Variants in TRPC3 observed in about 807,000 individuals in gnomAD.
The protein encoded by TRPC3 is transient receptor potential cation channel subfamily C member 3.
In TRPC3, 54 loss-of-function variants were observed where a neutral mutation model predicts 90.9. The ratio of observed to expected loss-of-function variants is 0.59; its 90% CI spans 0.48 to 0.75. The LOEUF (loss-of-function observed/expected upper bound fraction) is 0.75, where lower values mean the gene tolerates loss of function less well. Among genes scored for constraint, TRPC3 ranks in the 30% least tolerant of loss-of-function variants. The pLI, the probability that TRPC3 is intolerant of heterozygous loss-of-function variation, is 0.00. For synonymous variants in TRPC3, 424 were observed against 450.9 expected (o/e 0.94, Z 0.75); for missense variants, 918 against 1,194.5 (o/e 0.77, Z 3.41).
chr4:121,920,690 T>A (rs183911046), intron 3 of TRPC3, among the ~76,000 whole-genome samples: 128 of 152,350 alleles, frequency 8.4e-4, no homozygotes, highest in African/African-American at 3.0e-3. Context: ...TACATTAGTA[T>A]ACGTTTATCA....
chr4:121,946,345 AGAAAG>A (rs1203417126), intron 1 of TRPC3, among the ~76,000 whole-genome samples: 4 of 152,210 alleles, frequency 2.6e-5, no homozygotes, highest in African/African-American at 9.6e-5. Context: ...AGAGGGCTCT[AGAAAG>A]GATAACTTCA....
In TRPC3 at chr4:121,917,633, G is replaced by C. The variant is rs547708363; in HGVS notation, c.1177-2689C>G. ...TTATAACTGAGACTTCAACTCATAG[G>C]CTTGTCAAGATGCCTAATCAGAATT... On this transcript the variant is annotated intron_variant, in intron 3 of 11. Coordinates refer to ENST00000379645, the MANE Select transcript of TRPC3 (RefSeq NM_001130698.2). Among the ~76,000 whole-genome samples, 6 of 152,274 alleles carry C rather than the reference G, an allele frequency of 3.9e-5. No homozygotes were observed. The South Asian group carries it at 6.2e-4, about 16-fold the overall frequency.
At position 121,910,523 on chromosome 4, in the gene TRPC3, C is replaced by T. The variant is rs1729042824; in HGVS notation, c.1559-136G>A. The T allele has an allele frequency of 1.0e-5, 7 of 690,220 alleles. No homozygotes were observed. In the South Asian group the frequency reaches 1.2e-4, roughly 12 times the overall value. 42.8% of individuals were successfully genotyped at this position (690,220 alleles called of 1,614,324 possible). A position where few individuals can be genotyped will look rare whatever the true frequency, so the allele number is the denominator to read the frequency against. On this transcript the variant is annotated intron_variant, in intron 5 of 11. Transcript: ENST00000379645. Reference sequence around the variant, plus strand: ...CTAGGCATCACAAAGCATTGACTGACTGACTGTATGGTCACTGAGGCCCTG... The same window carrying T: ...CTAGGCATCACAAAGCATTGACTGATTGACTGTATGGTCACTGAGGCCCTG...
intron 3 of TRPC3, among the ~76,000 whole-genome samples, chr4:121,923,470 C>T (rs989764063): frequency 9.2e-5 from 14 of 152,232 alleles, no homozygotes; most frequent in South Asian, 6.2e-4. Flanking sequence ...CTGTCTTTGA[C>T]GAGTGAGGAT....
intron 2 of TRPC3, among the ~76,000 whole-genome samples, chr4:121,926,374 A>G (rs940019335): frequency 6.6e-6 from 1 of 151,294 alleles, no homozygotes; most frequent in Non-Finnish European, 1.5e-5. Flanking sequence ...GCAATGTTAT[A>G]TTCCCAAATA....
In TRPC3 at chr4:121,874,706, C is replaced by T. The variant is rs1356112257; in HGVS notation, c.*5030G>A. ...TATTATCTCATTTTAAATTAATTAC[C>T]TCTTTAAAGACCCTATCTCCAACTA... On this transcript the variant is annotated 3_prime_UTR_variant, in exon 12 of 12. Coordinates refer to ENST00000379645, the MANE Select transcript of TRPC3 (RefSeq NM_001130698.2). Among the ~76,000 whole-genome samples the T allele has an allele frequency of 6.6e-6, 1 of 152,122 alleles. No individual in the cohort carries two copies. Among genetic ancestry groups the T allele is most frequent in the Non-Finnish European group, 1.5e-5 (1 of 68,034 alleles).
At chr4:121,909,373 T>C (rs1334256846) in intron 6 of TRPC3, among the ~76,000 whole-genome samples, 1 of 152,158 alleles carries the variant, frequency 6.6e-6, no homozygotes, top group African/African-American at 2.4e-5. Context: ...CTGAGTTCCC[T>C]TACCTGTAAG....
At chr4:121,906,964 AAAG>A (rs1377186327) in intron 7 of TRPC3, among the ~76,000 whole-genome samples, 1 of 152,140 alleles carries the variant, frequency 6.6e-6, no homozygotes, top group African/African-American at 2.4e-5. Flanking sequence ...TTCCTTTTTG[AAAG>A]AAGAGTACTG....
At chr4:121,935,264 T>C (rs1730090393) in intron 1 of TRPC3, among the ~76,000 whole-genome samples, 1 of 152,184 alleles carries the variant, frequency 6.6e-6, no homozygotes, top group Non-Finnish European at 1.5e-5. Flanking sequence ...TTAGAAACCA[T>C]TACATTATAA....
chr4:121,898,409 A>C (rs1728590599), intron 10 of TRPC3, among the ~76,000 whole-genome samples: 1 of 152,094 alleles, frequency 6.6e-6, no homozygotes, highest in Non-Finnish European at 1.5e-5. Flanking sequence ...ATTATTGTGA[A>C]CCCTATTGTG....
rs2149161701 is a variant in TRPC3, at chr4:121,951,695, T to C, written c.-15A>G. On this transcript the variant is annotated 5_prime_UTR_variant, in exon 1 of 12. Coordinates refer to ENST00000379645, the MANE Select transcript of TRPC3 (RefSeq NM_001130698.2). This position sits in a 1 kb window ranked among gnomAD's most constrained non-coding sequence, Gnocchi z 4.4. Reference sequence around the variant, plus strand: ...TTGGTGGACATCGCGCCGGCTGCGGTCCGAGTGTGGGGGTGCCGGCTGCCG... The same window carrying C: ...TTGGTGGACATCGCGCCGGCTGCGGCCCGAGTGTGGGGGTGCCGGCTGCCG... 2.3e-6 allele frequency: 3 copies of C among 1,308,820 alleles called. No individual in the cohort carries two copies. The highest frequency in any genetic ancestry group is 4.7e-5 in the South Asian group (2 of 42,892). 81.1% of individuals were successfully genotyped at this position (1,308,820 alleles called of 1,614,324 possible). A position where few individuals can be genotyped will look rare whatever the true frequency, so the allele number is the denominator to read the frequency against.
intron 1 of TRPC3, among the ~76,000 whole-genome samples, chr4:121,938,662 C>T (rs1426783476): frequency 1.3e-5 from 2 of 152,162 alleles, no homozygotes; most frequent in African/African-American, 2.4e-5. Context: ...AAACTGAGCT[C>T]AAATGAAATT....
intron 4 of TRPC3, among the ~76,000 whole-genome samples, chr4:121,912,390 T>C (rs1444362889): frequency 5.3e-5 from 8 of 152,266 alleles, no homozygotes; most frequent in Admixed American, 3.9e-4. Flanking sequence ...TGCTCTTATT[T>C]TTACACAAAA....
At chr4:121,931,394 G>A (rs575547732) in intron 2 of TRPC3, among the ~76,000 whole-genome samples, 4 of 152,120 alleles carry the variant, frequency 2.6e-5, no homozygotes, top group African/African-American at 2.4e-5. Flanking sequence ...AATATTGATC[G>A]GAACTATGAA....
At chr4:121,946,513 A>G (rs1302295278) in intron 1 of TRPC3, among the ~76,000 whole-genome samples, 1 of 152,366 alleles carries the variant, frequency 6.6e-6, no homozygotes, top group South Asian at 2.1e-4. Flanking sequence ...CAATGATTAC[A>G]TGGTCATATT....
In TRPC3 at chr4:121,904,339, A is replaced by C; in HGVS notation, c.2236T>G (p.Ser746Ala). The C allele has an allele frequency of 1.3e-6, 2 of 1,598,692 alleles. No individual in the cohort carries two copies. The highest frequency in any genetic ancestry group is 1.7e-6 in the Non-Finnish European group (2 of 1,176,188). ...LNMLIAMINS[S>A]YQEIEDDSDV... ...CGATTTACCTCAATTTCTTGATATG[A>C]GCTATTAATCATAGCAATTAGCATG... Residue 746 changes from serine to alanine, a missense_variant, in exon 8 of 12, where the codon TCA (serine) becomes GCA (alanine). Physicochemically the swap from Ser to Ala is moderately conservative, Grantham distance 99. Around this residue, in one of 4 missense-constraint regions of TRPC3, gnomAD observed 121 missense variants for 135.7 expected, o/e 0.89. Coordinates refer to ENST00000379645, the MANE Select transcript of TRPC3 (RefSeq NM_001130698.2).
intron 3 of TRPC3, among the ~76,000 whole-genome samples, chr4:121,917,008 C>T (rs755199919): frequency 6.6e-6 from 1 of 152,140 alleles, no homozygotes; most frequent in Non-Finnish European, 1.5e-5. Flanking sequence ...AGCCACCACG[C>T]CTGGCCGAGA....
intron 9 of TRPC3, among the ~76,000 whole-genome samples, chr4:121,901,138 G>A (rs1336602110): frequency 1.3e-5 from 2 of 152,178 alleles, no homozygotes; most frequent in Non-Finnish European, 2.9e-5. Flanking sequence ...AAAACTCAAG[G>A]TGTGTTCTGT....
rs1727772515 is a variant in TRPC3, at chr4:121,876,751, C to T, written c.*2985G>A. ...AAGTCTAAGAACCCAAACTTTTCAACAGATTGTGACTTCCATAAAGTCATG... is the reference window on the plus strand; with the variant it reads ...AAGTCTAAGAACCCAAACTTTTCAATAGATTGTGACTTCCATAAAGTCATG... On this transcript the variant is annotated 3_prime_UTR_variant, in exon 12 of 12. Transcript: ENST00000379645. Among the ~76,000 whole-genome samples, 1 of 152,190 alleles carries T rather than the reference C, an allele frequency of 6.6e-6. No homozygotes were observed. Among genetic ancestry groups the T allele is most frequent in the Non-Finnish European group, 1.5e-5 (1 of 68,030 alleles).
Sources: gnomAD v4.1 joint callset for allele counts (sites outside exome capture counted in the v4.1 genomes callset) on GRCh38, gnomAD v4.1.1 for gene constraint, gnomAD v4.1.1 regional missense constraint, Gnocchi (gnomAD v3.1) non-coding constraint, MANE v1.5 for transcripts, NCBI Gene and HGNC (gene_info 2026-07-23, HGNC 2026-07-21) for gene names.